IL1RAPL2: variants seen among roughly 807,000 people sequenced by gnomAD.
IL1RAPL2 encodes the protein interleukin 1 receptor accessory protein like 2.
Under a neutral mutation model 44.1 loss-of-function variants are expected in IL1RAPL2, and 3 were observed. That is an observed-to-expected ratio of 0.07 (90% CI 0.03 to 0.18). IL1RAPL2 has a LOEUF of 0.18. IL1RAPL2 is among the 10% of genes least tolerant of loss of function. The pLI is 1.00. For synonymous variants in IL1RAPL2, 181 were observed against 178.8 expected, an observed-to-expected ratio of 1.01 and a Z score of -0.10; for missense variants, 391 against 496.4, an observed-to-expected ratio of 0.79 and a Z score of 2.02.
At chrX:104,955,632 G>T (rs1038957833) in intron 2 of IL1RAPL2, among the ~76,000 whole-genome samples, 9 of 109,003 alleles carry the variant, frequency 8.3e-5, no homozygotes, top group African/African-American at 3.0e-4. Context: ...TTTCTAAAAG[G>T]ATTAGCCCTT....
intron 6 of IL1RAPL2, among the ~76,000 whole-genome samples, chrX:105,697,141 A>T (rs2038082543): frequency 9.0e-6 from 1 of 110,564 alleles, no homozygotes; most frequent in Admixed American, 9.6e-5. Flanking sequence ...CATTACCACG[A>T]GAATGGCACC....
chrX:104,866,777 A>G (rs753744111), intron 2 of IL1RAPL2, among the ~76,000 whole-genome samples: 2 of 111,868 alleles, frequency 1.8e-5, no homozygotes, highest in South Asian at 7.5e-4. Context: ...GCTCATAGCA[A>G]GCATTGTTAG....
chrX:104,773,242 CAT>C (rs1932666021), intron 2 of IL1RAPL2, among the ~76,000 whole-genome samples: 1 of 111,719 alleles, frequency 9.0e-6, no homozygotes, highest in Non-Finnish European at 1.9e-5. Context: ...AAAAGTAAAA[CAT>C]ATTTGGATCT....
At chrX:105,094,897 CCTT>C (rs1304290716) in intron 2 of IL1RAPL2, among the ~76,000 whole-genome samples, 2 of 111,006 alleles carry the variant, frequency 1.8e-5, no homozygotes, top group African/African-American at 6.5e-5. Flanking sequence ...TCTTGCACCT[CCTT>C]GATTAAATTT....
chrX:104,792,706 C>T lies in IL1RAPL2; in HGVS notation c.82+133711C>T, dbSNP rs140329905. On this transcript the variant is annotated intron_variant, in intron 2 of 10. Coordinates refer to ENST00000372582, the MANE Select transcript of IL1RAPL2 (RefSeq NM_017416.2). ...AGTTGTGGAGGTTCAGCAAAGAGTC[C>T]TGCAGTTATTAGAATAAAACTGATG... 9.0e-3 allele frequency among the ~76,000 whole-genome samples: 1,002 copies of T among 111,093 alleles called. 7 individuals are homozygous for T. Among genetic ancestry groups the T allele is most frequent in the African/African-American group, 0.031 (944 of 30,530 alleles).
At chrX:104,799,312 C>T (rs188439739) in intron 2 of IL1RAPL2, among the ~76,000 whole-genome samples, 4 of 111,936 alleles carry the variant, frequency 3.6e-5, no homozygotes, top group African/African-American at 1.3e-4. Context: ...TGCCTCCTCC[C>T]GGCTCTGCCA....
At chrX:105,142,208 T>C (rs1033103264) in intron 2 of IL1RAPL2, among the ~76,000 whole-genome samples, 6 of 112,162 alleles carry the variant, frequency 5.3e-5, no homozygotes, top group Non-Finnish European at 1.1e-4. Context: ...GATGATCCTA[T>C]ATGTGTCCAA....
intron 2 of IL1RAPL2, among the ~76,000 whole-genome samples, chrX:105,080,958 T>C (rs764789338): frequency 9.0e-6 from 1 of 111,452 alleles, no homozygotes; most frequent in Non-Finnish European, 1.9e-5. Flanking sequence ...TATTCCTAGG[T>C]ATTTTATTCT....
chrX:105,163,671 G>C (rs1471114432), intron 2 of IL1RAPL2, among the ~76,000 whole-genome samples: 1 of 111,540 alleles, frequency 9.0e-6, no homozygotes, highest in Non-Finnish European at 1.9e-5. Context: ...CTTGGTTTCT[G>C]GGAGCTCCTG....
chrX:105,701,916 A>G (rs1041266956), intron 6 of IL1RAPL2, among the ~76,000 whole-genome samples: 5 of 111,463 alleles, frequency 4.5e-5, no homozygotes, highest in African/African-American at 1.6e-4. Flanking sequence ...CTCAAGCTCC[A>G]GGGCCTCTTA....
At chrX:104,698,171 A>T (rs147792118) in intron 2 of IL1RAPL2, among the ~76,000 whole-genome samples, 1,191 of 112,417 alleles carry the variant, frequency 0.011, 19 homozygotes, top group African/African-American at 0.035. Flanking sequence ...GGTTCATCGA[A>T]GTGGGAAAGT....
At chrX:105,416,461 A>G (rs767546990) in intron 5 of IL1RAPL2, among the ~76,000 whole-genome samples, 2 of 112,186 alleles carry the variant, frequency 1.8e-5, no homozygotes, top group Non-Finnish European at 3.8e-5. Context: ...TAAGTTACCT[A>G]ACGTCTCTGT....
At chrX:105,113,451 A>G (rs186494685) in intron 2 of IL1RAPL2, among the ~76,000 whole-genome samples, 1 of 112,565 alleles carries the variant, frequency 8.9e-6, no homozygotes. Flanking sequence ...TGGAGGTGGG[A>G]CAATCTAGCC....
At chrX:105,494,735 G>A (rs1448864402) in intron 6 of IL1RAPL2, among the ~76,000 whole-genome samples, 2 of 111,225 alleles carry the variant, frequency 1.8e-5, no homozygotes, top group Non-Finnish European at 3.8e-5. Context: ...GCTCACTGCA[G>A]CCGCAAACTC....
intron 2 of IL1RAPL2, among the ~76,000 whole-genome samples, chrX:105,184,962 T>G (rs781996548): frequency 4.6e-4 from 51 of 111,887 alleles, no homozygotes; most frequent in Non-Finnish European, 7.5e-4. Context: ...CTGAGCATTA[T>G]CTGTGTGTCA....
intron 5 of IL1RAPL2, among the ~76,000 whole-genome samples, chrX:105,284,352 A>G (rs937511669): frequency 8.9e-6 from 1 of 112,343 alleles, no homozygotes; most frequent in African/African-American, 3.2e-5. Context: ...AGGAACAGAA[A>G]GAAATATTGA....
chrX:104,676,779 C>G (rs369891388), intron 2 of IL1RAPL2, among the ~76,000 whole-genome samples: 2 of 111,801 alleles, frequency 1.8e-5, no homozygotes, highest in East Asian at 2.8e-4. Context: ...TCCCATATTT[C>G]TTGGAGGCTT....
chrX:104,931,143 G>A (rs1296012423), intron 2 of IL1RAPL2, among the ~76,000 whole-genome samples: 1 of 110,221 alleles, frequency 9.1e-6, no homozygotes, highest in African/African-American at 3.3e-5. Context: ...AAAATGGTGG[G>A]AATTCCTAAG....
At chrX:105,379,808 A>C (rs188403454) in intron 5 of IL1RAPL2, among the ~76,000 whole-genome samples, 1 of 111,957 alleles carries the variant, frequency 8.9e-6, no homozygotes, top group East Asian at 2.8e-4. Flanking sequence ...GAACTTACTC[A>C]AAAAGGGTAG....
Sources: allele counts gnomAD v4.1 joint callset (sites outside exome capture counted in the v4.1 genomes callset), GRCh38; gene constraint gnomAD v4.1.1; transcripts MANE v1.5; gene names NCBI Gene and HGNC (gene_info 2026-07-23, HGNC 2026-07-21).